TENM2: variants seen among roughly 807,000 people sequenced by gnomAD.
TENM2 encodes the protein teneurin-2.
In TENM2, 52 loss-of-function variants were observed where a neutral mutation model predicts 245.2. The ratio of observed to expected loss-of-function variants is 0.21; its 90% CI spans 0.17 to 0.27. TENM2 has a LOEUF of 0.27. TENM2 is among the 10% of genes least tolerant of loss of function. TENM2 has a pLI of 1.00. For synonymous variants in TENM2, 1,363 were observed against 1,438.9 expected (o/e 0.95, Z 1.19); for missense variants, 3,046 against 3,666.8 (o/e 0.83, Z 4.37).
intron 1 of TENM2, among the ~76,000 whole-genome samples, chr5:167,324,925 A>G (rs1714447889): frequency 6.6e-6 from 1 of 152,142 alleles, no homozygotes; most frequent in Non-Finnish European, 1.5e-5. Context: ...GCTTAACCTG[A>G]CCCAGAGTGG....
the TENM2 span, among the ~76,000 whole-genome samples, chr5:167,121,687 T>G: frequency 6.6e-6 from 1 of 152,344 alleles, no homozygotes; most frequent in Non-Finnish European, 1.5e-5. Flanking sequence ...GCACAGTGCT[T>G]TTGAAAGTCT....
intron 2 of TENM2, among the ~76,000 whole-genome samples, chr5:167,783,633 T>C (rs1429552385): frequency 6.6e-6 from 1 of 152,204 alleles, no homozygotes; most frequent in Non-Finnish European, 1.5e-5. Flanking sequence ...TCTTCCTCTA[T>C]ACTGACCTTA....
chr5:167,786,524 C>T (rs1378179740), intron 2 of TENM2, among the ~76,000 whole-genome samples: 3 of 152,240 alleles, frequency 2.0e-5, no homozygotes, highest in Non-Finnish European at 4.4e-5. Flanking sequence ...ACAACACACT[C>T]CTAAGATTGA....
the TENM2 span, among the ~76,000 whole-genome samples, chr5:167,073,717 T>G: frequency 6.6e-6 from 1 of 152,196 alleles, no homozygotes; most frequent in East Asian, 1.9e-4. Context: ...CTGTGCTGGT[T>G]GTGATTAGCT....
chr5:167,375,605 G>A (rs1760700749), intron 2 of TENM2, 132 bp downstream of exon 4: 1 of 946,412 alleles, frequency 1.1e-6, no homozygotes, highest in African/African-American at 1.7e-5. Flanking sequence ...TGTCTACCCA[G>A]TGTGAGCTGG....
intron 4 of TENM2, among the ~76,000 whole-genome samples, chr5:167,968,712 A>G (rs1416446257): frequency 6.6e-6 from 1 of 152,076 alleles, no homozygotes; most frequent in African/African-American, 2.4e-5. Context: ...TGACTTTCTT[A>G]TTTCTTATCA....
chr5:167,224,537 G>A, the TENM2 span, among the ~76,000 whole-genome samples: 32,196 of 151,606 alleles, frequency 0.21, 4,061 homozygotes, highest in African/African-American at 0.36. Context: ...ACTCTGTTCC[G>A]TTGGTTTATG....
chr5:168,261,239 G>A (rs1238802600), intron 28 of TENM2, among the ~76,000 whole-genome samples: 2 of 152,164 alleles, frequency 1.3e-5, no homozygotes, highest in Non-Finnish European at 2.9e-5. Flanking sequence ...GAGACAAGTT[G>A]TAATTTGCGA....
At chr5:167,234,063 C>T in the TENM2 span, among the ~76,000 whole-genome samples, 2 of 151,936 alleles carry the variant, frequency 1.3e-5, no homozygotes, top group African/African-American at 2.4e-5. Context: ...TGATAGAACT[C>T]GGTACAGAGA....
At chr5:167,722,987 A>G (rs1174752356) in intron 2 of TENM2, among the ~76,000 whole-genome samples, 9 of 152,176 alleles carry the variant, frequency 5.9e-5, no homozygotes. Context: ...AGCTAGAATG[A>G]TAGTGTTAGA....
upstream of TENM2, among the ~76,000 whole-genome samples, chr5:167,283,759 A>G (rs1771184930): frequency 6.6e-6 from 1 of 152,206 alleles, no homozygotes; most frequent in South Asian, 2.1e-4. Flanking sequence ...GCTATTTTGC[A>G]TGGCAAATGA....
chr5:167,110,106 G>T, the TENM2 span, among the ~76,000 whole-genome samples: 909 of 152,242 alleles, frequency 6.0e-3, 12 homozygotes, highest in African/African-American at 0.02. Flanking sequence ...GTGCAGGGGT[G>T]GGGAGGCCGA....
At chr5:167,346,014 G>A (rs974786353) in intron 1 of TENM2, among the ~76,000 whole-genome samples, 3 of 151,832 alleles carry the variant, frequency 2.0e-5, no homozygotes, top group Non-Finnish European at 2.9e-5. Context: ...CTAAGGAAAC[G>A]TGTAACGACA....
the TENM2 span, among the ~76,000 whole-genome samples, chr5:167,178,037 A>G: frequency 2.0e-5 from 3 of 152,216 alleles, no homozygotes; most frequent in Non-Finnish European, 4.4e-5. Context: ...TTGTAATTTT[A>G]TTCTTACAGT....
intron 2 of TENM2, among the ~76,000 whole-genome samples, chr5:167,815,048 A>G (rs1561811878): frequency 1.3e-5 from 2 of 152,192 alleles, no homozygotes; most frequent in African/African-American, 4.8e-5. Flanking sequence ...AGAGACGTCA[A>G]CCACAGCAGA....
chr5:167,833,014 G>C (rs1269225504), intron 2 of TENM2, among the ~76,000 whole-genome samples: 1 of 152,058 alleles, frequency 6.6e-6, no homozygotes, highest in African/African-American at 2.4e-5. Context: ...TCTAGAAAGA[G>C]GGTTTAGTAC....
intron 2 of TENM2, among the ~76,000 whole-genome samples, chr5:167,457,139 C>G (rs1765971634): frequency 6.6e-6 from 1 of 152,104 alleles, no homozygotes; most frequent in Non-Finnish European, 1.5e-5. Context: ...ATATCTCTAT[C>G]AGTCCCCTCT....
At chr5:167,597,165 CTTT>C (rs34227363) in intron 2 of TENM2, among the ~76,000 whole-genome samples, 5,596 of 53,734 alleles carry the variant, frequency 0.1, 227 homozygotes, top group East Asian at 0.16. Flanking sequence ...CTTTTCTTTT[CTTT>C]TTTTTTTTTT....
intron 2 of TENM2, among the ~76,000 whole-genome samples, chr5:167,514,997 C>T (rs1244130635): frequency 1.3e-5 from 2 of 151,912 alleles, no homozygotes; most frequent in Non-Finnish European, 2.9e-5. Context: ...GGTGACAGAG[C>T]GAGACTCCAT....
Sources: allele counts gnomAD v4.1 joint callset (sites outside exome capture counted in the v4.1 genomes callset), GRCh38; gene constraint gnomAD v4.1.1; transcripts MANE v1.5; gene names NCBI Gene and HGNC (gene_info 2026-07-23, HGNC 2026-07-21).